GRID1: variants seen among roughly 807,000 people sequenced by gnomAD.
GRID1 encodes the protein glutamate receptor ionotropic, delta-1.
GRID1 carries 28 observed loss-of-function variants against 98.0 expected under a neutral mutation model. That is an observed-to-expected ratio of 0.29 (90% CI 0.21 to 0.39). The LOEUF is 0.39. Ranked by LOEUF, GRID1 falls within the 10% of genes least tolerant of loss-of-function variation. The pLI is 1.00. For missense variants in GRID1, 1,111 were observed against 1,340.5 expected (o/e 0.83, Z 2.67); for synonymous variants, 553 against 538.5 (o/e 1.03, Z -0.37).
intron 2 of GRID1, among the ~76,000 whole-genome samples, chr10:86,303,609 C>T (rs538946857): frequency 6.6e-6 from 1 of 152,334 alleles, no homozygotes; most frequent in East Asian, 1.9e-4. Flanking sequence ...TCATTAGCTC[C>T]CTTTTACAGA....
rs529209596 is a variant in GRID1 at position 85,976,287 on chromosome 10, C to G, written c.727-60048G>C. On this transcript the variant is annotated intron_variant, in intron 4 of 15. Transcript: ENST00000327946. ...CTGCAAGGCTGTGTTCTGCTGAGCACTTTGATCCGAGTTAATCACAACTCT... is the reference window on the plus strand; with the variant it reads ...CTGCAAGGCTGTGTTCTGCTGAGCAGTTTGATCCGAGTTAATCACAACTCT... Among the ~76,000 whole-genome samples the G allele has an allele frequency of 1.1e-4, 16 of 152,324 alleles. No homozygotes were observed. The South Asian group carries it at 2.7e-3, about 26-fold the overall frequency.
intron 3 of GRID1, among the ~76,000 whole-genome samples, chr10:86,166,777 T>C (rs780539636): frequency 2.6e-5 from 4 of 152,212 alleles, no homozygotes; most frequent in Non-Finnish European, 5.9e-5. Flanking sequence ...CTCACAGCCA[T>C]GTCTAAGCTT....
At chr10:86,129,181 T>A (rs1391024155) in intron 4 of GRID1, among the ~76,000 whole-genome samples, 1 of 152,212 alleles carries the variant, frequency 6.6e-6, no homozygotes, top group Non-Finnish European at 1.5e-5. Flanking sequence ...TCTCTGCAGA[T>A]GTGTTGGCCG....
chr10:86,034,923 T>TGGAC (rs1843236349), intron 4 of GRID1, among the ~76,000 whole-genome samples: 1 of 150,722 alleles, frequency 6.6e-6, no homozygotes, highest in Non-Finnish European at 1.5e-5. Flanking sequence ...GATGGATGGA[T>TGGAC]GGATGGATGG....
chr10:86,099,024 A>G (rs55908429), intron 4 of GRID1, among the ~76,000 whole-genome samples: 10,358 of 152,264 alleles, frequency 0.068, 848 homozygotes, highest in African/African-American at 0.19. Context: ...CTTCTTTGTA[A>G]GACTAATGGG....
chr10:85,600,734 T>C lies in GRID1; in HGVS notation c.*1539A>G, dbSNP rs768187112. ...GTTCCACTCCTAATGGTTCTTTCCC[T>C]GATTCTGTAGTTTAGTTGCCTCAGA... is the stretch of plus-strand genomic sequence containing the variant. On this transcript the variant is annotated 3_prime_UTR_variant, in exon 16 of 16. Coordinates refer to ENST00000327946, the MANE Select transcript of GRID1 (RefSeq NM_017551.3). The C allele has an allele frequency of 6.6e-6, 1 of 152,224 alleles. No homozygotes were observed. Among genetic ancestry groups the C allele is most frequent in the Non-Finnish European group, 1.5e-5 (1 of 68,056 alleles). 9.4% of individuals were successfully genotyped at this position (152,224 alleles called of 1,614,324 possible). A position where few individuals can be genotyped will look rare whatever the true frequency, so the allele number is the denominator to read the frequency against.
chr10:86,354,268 G>A (rs1279180039), intron 2 of GRID1, among the ~76,000 whole-genome samples: 2 of 152,262 alleles, frequency 1.3e-5, no homozygotes, highest in Non-Finnish European at 2.9e-5. Context: ...AGCAAGGCCG[G>A]TGTCTCAGCC....
intron 4 of GRID1, among the ~76,000 whole-genome samples, chr10:86,039,608 A>C (rs1373706998): frequency 1.3e-5 from 2 of 152,222 alleles, no homozygotes; most frequent in Non-Finnish European, 2.9e-5. Context: ...ACCTAACTCT[A>C]GTGGTGGCCA....
At chr10:85,894,554 G>A (rs1841256485) in intron 5 of GRID1, among the ~76,000 whole-genome samples, 1 of 152,094 alleles carries the variant, frequency 6.6e-6, no homozygotes, top group Non-Finnish European at 1.5e-5. Context: ...TCATGATTGT[G>A]GTGATGATTT....
chr10:85,810,872 T>C (rs1305310393), intron 8 of GRID1, among the ~76,000 whole-genome samples: 1 of 152,070 alleles, frequency 6.6e-6, no homozygotes, highest in Non-Finnish European at 1.5e-5. Flanking sequence ...ATGTCTCCAG[T>C]TGGAGTAATA....
chr10:85,756,639 G>T (rs1326034240), intron 8 of GRID1, among the ~76,000 whole-genome samples: 2 of 152,098 alleles, frequency 1.3e-5, no homozygotes, highest in Admixed American at 6.5e-5. Flanking sequence ...AAACAGCACT[G>T]CAGTCTAAAA....
chr10:85,715,929 C>G (rs535311583), intron 12 of GRID1, among the ~76,000 whole-genome samples: 1 of 150,108 alleles, frequency 6.7e-6, no homozygotes, highest in African/African-American at 2.5e-5. Context: ...TCTTTTGAGA[C>G]GGAGTCTAAC....
At chr10:86,329,812 T>C (rs944483984) in intron 2 of GRID1, among the ~76,000 whole-genome samples, 1 of 152,144 alleles carries the variant, frequency 6.6e-6, no homozygotes. Context: ...ATCTTCCTTA[T>C]GAAGTTGGAG....
At chr10:85,880,657 G>A (rs1342765045) in intron 5 of GRID1, among the ~76,000 whole-genome samples, 8 of 151,794 alleles carry the variant, frequency 5.3e-5, no homozygotes, top group Admixed American at 5.2e-4. Context: ...CAAACCCACA[G>A]CCAATATCAT....
chr10:85,906,467 T>G (rs1310405608), intron 5 of GRID1, among the ~76,000 whole-genome samples: 1 of 152,148 alleles, frequency 6.6e-6, no homozygotes, highest in Non-Finnish European at 1.5e-5. Flanking sequence ...CAAGTATACT[T>G]GAAATATCTA....
chr10:85,820,071 AAGGCAGGTAGGCAGGCAGGCAGGC>A (rs1345481897), intron 8 of GRID1, among the ~76,000 whole-genome samples: 12 of 85,372 alleles, frequency 1.4e-4, no homozygotes, highest in East Asian at 6.8e-4. Flanking sequence ...GGCAGGCAGG[AAGGCAGGTAGGCAGGCAGGCAGGC>A]AGGAAGGAAG....
chr10:86,341,246 A>G (rs1589455032), intron 2 of GRID1, among the ~76,000 whole-genome samples: 1 of 151,940 alleles, frequency 6.6e-6, no homozygotes, highest in East Asian at 1.9e-4. Flanking sequence ...CACAAAAACA[A>G]AGGGAGCAGA....
chr10:85,764,812 C>T (rs1351632331), intron 8 of GRID1, among the ~76,000 whole-genome samples: 2 of 152,148 alleles, frequency 1.3e-5, no homozygotes, highest in Non-Finnish European at 2.9e-5. Flanking sequence ...AGTACAGGCC[C>T]ATACACAATT....
At chr10:85,690,063 T>TTA (rs1207730790) in intron 12 of GRID1, among the ~76,000 whole-genome samples, 1 of 152,262 alleles carries the variant, frequency 6.6e-6, no homozygotes, top group East Asian at 1.9e-4. Context: ...AACACCCAAC[T>TTA]TATCAACATT....
Sources: allele counts gnomAD v4.1 joint callset (sites outside exome capture counted in the v4.1 genomes callset), GRCh38; gene constraint gnomAD v4.1.1; transcripts MANE v1.5; gene names NCBI Gene and HGNC (gene_info 2026-07-23, HGNC 2026-07-21).